The following SEMA7A variants were observed in gnomAD, a reference collection of about 807,000 sequenced individuals.
The protein encoded by SEMA7A is semaphorin 7A (JohnMiltonHagen blood group), also known as semaphorin-7A.
Under a neutral mutation model 67.5 loss-of-function variants are expected in SEMA7A, and 21 were observed. The ratio of observed to expected loss-of-function variants is 0.31; its 90% CI spans 0.22 to 0.45. The LOEUF (loss-of-function observed/expected upper bound fraction) is 0.45, where lower values mean the gene tolerates loss of function less well. SEMA7A is among the 20% of genes least tolerant of loss of function. The pLI is 1.00. For missense variants in SEMA7A, 774 were observed against 908.6 expected (o/e 0.85, Z 1.90); for synonymous variants, 364 against 368.5 (o/e 0.99, Z 0.14).
intron 2 of SEMA7A, 138 bp from the exon 3 acceptor site, chr15:74,418,447 G>A (rs2060971641): frequency 7.2e-6 from 6 of 835,768 alleles, no homozygotes; most frequent in Non-Finnish European, 9.8e-6. Context: ...GGGGCTCTGA[G>A]AGGGTGAGTG....
chr15:74,411,621 G>T lies in SEMA7A; in HGVS notation c.1512C>A (p.Leu504=). ...EVYGGGCHGC[L]MSRDPYCGWD... ...AGCCGCAGTAGGGGTCTCGGGACAT[G>T]AGGCAACCGTGGCAGCCCCCGCCAT... Residue 504 remains leucine, a synonymous_variant, in exon 12 of 14, where the codon CTC becomes CTA. Transcript: ENST00000261918. This position sits in a 1 kb window ranked among gnomAD's most constrained non-coding sequence, Gnocchi z 4.4. 2 of 1,609,484 alleles carry T rather than the reference G, an allele frequency of 1.2e-6. No individual in the cohort carries two copies. The highest frequency in any genetic ancestry group is 1.7e-6 in the Non-Finnish European group (2 of 1,177,840).
At chr15:74,427,115 G>T (rs959483822) in intron 1 of SEMA7A, 35 of 575,812 alleles carry the variant, frequency 6.1e-5, no homozygotes, top group Non-Finnish European at 7.0e-5. Context: ...GATCCAGGAA[G>T]TATTCCAGAC....
chr15:74,421,042 C>T (rs1362349256), intron 1 of SEMA7A, among the ~76,000 whole-genome samples: 1 of 152,262 alleles, frequency 6.6e-6, no homozygotes, highest in East Asian at 1.9e-4. Context: ...TGTACAACTA[C>T]TCAAGGGAAA....
chr15:74,417,739 C>T, intron 4 of SEMA7A, 64 bp from the exon 5 acceptor site: 3 of 1,555,470 alleles, frequency 1.9e-6, no homozygotes, highest in Non-Finnish European at 2.6e-6. Context: ...CCATGACGGC[C>T]AGTTTCTCGG....
intron 1 of SEMA7A, among the ~76,000 whole-genome samples, chr15:74,432,988 T>C (rs1300435212): frequency 2.0e-5 from 3 of 152,094 alleles, no homozygotes; most frequent in Non-Finnish European, 2.9e-5. Context: ...ACCCCCGCCC[T>C]AGATCCACCG....
At chr15:74,429,795 C>T (rs1165400119) in intron 1 of SEMA7A, among the ~76,000 whole-genome samples, 6 of 152,188 alleles carry the variant, frequency 3.9e-5, no homozygotes, top group Non-Finnish European at 5.9e-5. Context: ...GGGCCCCTCA[C>T]ATGGCTTCTC....
At chr15:74,417,551 G>A (rs765462689) in intron 5 of SEMA7A, 40 bp downstream of exon 5, 1 of 1,598,220 alleles carries the variant, frequency 6.3e-7, no homozygotes, top group Non-Finnish European at 8.6e-7. Flanking sequence ...GCCCAGTTCA[G>A]AAGCATCCCC....
At position 74,414,832 on chromosome 15, in the gene SEMA7A, G is replaced by T. The variant is rs181203649; in HGVS notation, c.1095+6C>A. On this transcript the variant is annotated splice_donor_region_variant and intron_variant, in intron 9 of 13. Transcript: ENST00000261918. The surrounding 1 kb of genome is among the most constrained non-coding windows in gnomAD (Gnocchi z 4.1). ...GGGCCTGGGCCACGGCTGGTGTCAC[G>T]CTCACCTTGCCAGGCCGCGGGTTGG... is the stretch of plus-strand genomic sequence containing the variant. The T allele has an allele frequency of 6.2e-7, 1 of 1,613,968 alleles. No homozygotes were observed. Among genetic ancestry groups the T allele is most frequent in the South Asian group, 1.1e-5 (1 of 91,076 alleles).
At position 74,420,126 on chromosome 15, in the gene SEMA7A, A is replaced by C. The variant is rs1056398973; in HGVS notation, c.179-1174T>G. 2.0e-5 allele frequency among the ~76,000 whole-genome samples: 3 copies of C among 152,118 alleles called. No homozygotes were observed. The East Asian group carries it at 5.8e-4, about 29-fold the overall frequency. On this transcript the variant is annotated intron_variant, in intron 1 of 13. Transcript: ENST00000261918. ...GCTCCAGCTCTGACCAAAAAGAACT[A>C]CCATTTCCTCAACTCTGCCCCCGAT...
At chr15:74,419,057 T>TA (rs891040687) in intron 1 of SEMA7A, 105 bp from the exon 2 acceptor site, 1 of 1,333,496 alleles carries the variant, frequency 7.5e-7, no homozygotes, top group African/African-American at 1.5e-5. Flanking sequence ...GTGCTCAGGG[T>TA]CCTGGCAGGG....
rs577178097 is a variant in SEMA7A, at chr15:74,423,239, C to T, written c.179-4287G>A. ...CCCCACCCCTGCACTGCCAGGCCTA[C>T]CTCACACCCTCGCCCAACTACGTGT... On this transcript the variant is annotated intron_variant, in intron 1 of 13. Coordinates refer to ENST00000261918, the MANE Select transcript of SEMA7A (RefSeq NM_003612.5). This position sits in a 1 kb window ranked among gnomAD's most constrained non-coding sequence, Gnocchi z 4.1. Among the ~76,000 whole-genome samples the T allele has an allele frequency of 4.4e-4, 67 of 152,336 alleles. 1 individual carries two copies. Among genetic ancestry groups the T allele is most frequent in the African/African-American group, 1.5e-3 (63 of 41,578 alleles).
rs141605634 is a variant in SEMA7A, at chr15:74,425,679, G to A, written c.179-6727C>T. Among the ~76,000 whole-genome samples, 63 of 152,298 alleles carry A rather than the reference G, an allele frequency of 4.1e-4. No individual in the cohort carries two copies. In the East Asian group the frequency reaches 0.011, roughly 27 times the overall value. ...ATGCTTTGATGTTGCCCTGGCATCC[G>A]TTTTGAATATAAGCTGGGTTTTCTC... On this transcript the variant is annotated intron_variant, in intron 1 of 13. Coordinates refer to ENST00000261918, the MANE Select transcript of SEMA7A (RefSeq NM_003612.5).
At position 74,411,389 on chromosome 15, in the gene SEMA7A, A is replaced by T. The variant is rs766110486; in HGVS notation, c.1578-33T>A. On this transcript the variant is annotated intron_variant, in intron 12 of 13. Coordinates refer to ENST00000261918, the MANE Select transcript of SEMA7A (RefSeq NM_003612.5). The surrounding 1 kb of genome is among the most constrained non-coding windows in gnomAD (Gnocchi z 4.4). Reference sequence around the variant, plus strand: ...GGGAAGGACGAAAGAGGATCAGCAGATACAAGGCTGCAGACCTGACCCTCC... The same window carrying T: ...GGGAAGGACGAAAGAGGATCAGCAGTTACAAGGCTGCAGACCTGACCCTCC... The T allele has an allele frequency of 6.2e-7, 1 of 1,610,740 alleles. No individual in the cohort carries two copies. Among genetic ancestry groups the T allele is most frequent in the Non-Finnish European group, 8.5e-7 (1 of 1,178,026 alleles).
Position 74,411,738 on chromosome 15 carries a change from C to T in SEMA7A, c.1423-28G>A. ...GGAAGGACAGCAGGATTGGGTCAGG[C>T]CCGGGCCCCACCCCACACTCAGTCC... On this transcript the variant is annotated intron_variant, in intron 11 of 13. Transcript: ENST00000261918. This position sits in a 1 kb window ranked among gnomAD's most constrained non-coding sequence, Gnocchi z 4.4. 3 of 1,610,102 alleles carry T rather than the reference C, an allele frequency of 1.9e-6. No homozygotes were observed. The highest frequency in any genetic ancestry group is 2.5e-6 in the Non-Finnish European group (3 of 1,179,444).
chr15:74,428,231 G>A (rs1410833403), intron 1 of SEMA7A, among the ~76,000 whole-genome samples: 1 of 152,234 alleles, frequency 6.6e-6, no homozygotes, highest in African/African-American at 2.4e-5. Flanking sequence ...GCACTGGGGC[G>A]GGAAGAGTCT....
chr15:74,422,764 C>T (rs765827009), intron 1 of SEMA7A, among the ~76,000 whole-genome samples: 12 of 152,226 alleles, frequency 7.9e-5, no homozygotes, highest in African/African-American at 2.2e-4. Flanking sequence ...AGCAGCTGAC[C>T]GACTGTGGCA....
rs754595224 is a variant in SEMA7A, at chr15:74,411,983, G to A, written c.1324C>T (p.Pro442Ser). Residue 442 changes from proline (P) to serine (S), a missense_variant, in exon 11 of 14, where the codon CCG (proline) becomes TCG (serine). By Grantham distance (74) the Pro-to-Ser change is moderately conservative (BLOSUM62 -1). This residue lies in a region of SEMA7A where 427 missense variants were observed against 555.4 expected (regional missense o/e 0.77). Coordinates refer to ENST00000261918, the MANE Select transcript of SEMA7A (RefSeq NM_003612.5). This position sits in a 1 kb window ranked among gnomAD's most constrained non-coding sequence, Gnocchi z 4.4. ...DRGTIHKVVE[P>S]GEQEHSFAFN... ...GCGAAGCTGTGCTCCTGCTCCCCCG[G>A]TTCCACCACCTTGTGGATAGTGCCC... 5.0e-5 allele frequency: 80 copies of A among 1,613,902 alleles called. No individual in the cohort carries two copies. Among genetic ancestry groups the A allele is most frequent in the Non-Finnish European group, 4.5e-5 (53 of 1,180,052 alleles).
At chr15:74,433,122 C>G (rs888577111) in intron 1 of SEMA7A, among the ~76,000 whole-genome samples, 2 of 152,138 alleles carry the variant, frequency 1.3e-5, no homozygotes, top group Non-Finnish European at 2.9e-5. Context: ...ATTGCTGAGG[C>G]AGCGCCCTGG....
At chr15:74,416,329 A>AC (rs1381891571) in intron 7 of SEMA7A, among the ~76,000 whole-genome samples, 11 of 150,474 alleles carry the variant, frequency 7.3e-5, no homozygotes, top group African/African-American at 2.8e-4. Flanking sequence ...ACACACACAC[A>AC]CACACACACA....
Sources: allele counts gnomAD v4.1 joint callset (sites outside exome capture counted in the v4.1 genomes callset), GRCh38; gene constraint gnomAD v4.1.1; regional missense constraint gnomAD v4.1.1; non-coding constraint Gnocchi (gnomAD v3.1); transcripts MANE v1.5; gene names NCBI Gene and HGNC (gene_info 2026-07-23, HGNC 2026-07-21).